The following FABP5 variants were observed in gnomAD, a reference collection of about 807,000 sequenced individuals.
FABP5 encodes fatty acid-binding protein 5.
In FABP5, 7 loss-of-function variants were observed where a neutral mutation model predicts 16.9. That is an observed-to-expected ratio of 0.41 (90% CI 0.24 to 0.78). FABP5 has a LOEUF of 0.78. FABP5 is among the 30% of genes least tolerant of loss of function. The pLI is 0.30. For missense variants in FABP5, 119 were observed against 159.5 expected (o/e 0.75, Z 1.37); for synonymous variants, 37 against 52.8 (o/e 0.70, Z 1.30).
At chr8:81,284,024 G>A (rs1171570878) in intron 3 of FABP5, 50 bp downstream of exon 3, 1 of 1,337,534 alleles carries the variant, frequency 7.5e-7, no homozygotes, top group Non-Finnish European at 1.1e-6. Flanking sequence ...TGCATTCATA[G>A]TTCACATAAC....
Position 81,281,280 on chromosome 8 carries a change from G to T in FABP5, c.79+606G>T. On this transcript the variant is annotated intron_variant, in intron 1 of 3. Coordinates refer to ENST00000297258, the MANE Select transcript of FABP5 (RefSeq NM_001444.3). The surrounding 1 kb of genome is among the most constrained non-coding windows in gnomAD (Gnocchi z 4.5). ...GGGTCTGAGTGGCGCTACAGCTTCAGCTTGCATTCCTCTGTCAGCCCCGTC... is the reference window on the plus strand; with the variant it reads ...GGGTCTGAGTGGCGCTACAGCTTCATCTTGCATTCCTCTGTCAGCCCCGTC... 1.1e-6 allele frequency: 1 copy of T among 912,252 alleles called. No homozygotes were observed. 56.5% of individuals were successfully genotyped at this position (912,252 alleles called of 1,614,324 possible).
At position 81,283,667 on chromosome 8, in the gene FABP5, C is replaced by T. The variant is rs551489337; in HGVS notation, c.252+129C>T. 1.1e-5 allele frequency: 12 copies of T among 1,112,300 alleles called. No homozygotes were observed. The South Asian group carries it at 2.1e-4, about 19-fold the overall frequency. 68.9% of individuals were successfully genotyped at this position (1,112,300 alleles called of 1,614,324 possible). A position where few individuals can be genotyped will look rare whatever the true frequency, so the allele number is the denominator to read the frequency against. On this transcript the variant is annotated intron_variant, in intron 2 of 3. Transcript: ENST00000297258. ...TATGAATTGAATTTTGTCAAATTAG[C>T]AAAAGTATCAACTTCATCATAGAAT...
intron 2 of FABP5, 104 bp from the exon 3 acceptor site, chr8:81,283,769 C>T: frequency 9.5e-7 from 1 of 1,050,250 alleles, no homozygotes; most frequent in South Asian, 1.6e-5. Context: ...ATGAAGTAGA[C>T]TCAGAAAGGA....
At chr8:81,283,741 T>C (rs967072811) in intron 2 of FABP5, 132 bp from the exon 3 acceptor site, 2 of 938,096 alleles carry the variant, frequency 2.1e-6, no homozygotes, top group Non-Finnish European at 3.1e-6. Context: ...CTATTGTGAA[T>C]AAAATCAATA....
In FABP5 at chr8:81,283,998, C is replaced by G. The variant is rs760784784; in HGVS notation, c.354+24C>G. On this transcript the variant is annotated intron_variant, in intron 3 of 3. Transcript: ENST00000297258. Reference sequence around the variant, plus strand: ...TGGTAAGTGTCAAACTGCTGTGTCTCAGTCAGCTTCTTGTGTGCATTCATA... The same window carrying G: ...TGGTAAGTGTCAAACTGCTGTGTCTGAGTCAGCTTCTTGTGTGCATTCATA... 6.6e-6 allele frequency: 10 copies of G among 1,520,074 alleles called. No homozygotes were observed. In the South Asian group the frequency reaches 1.1e-4, roughly 17 times the overall value. The allele number at this position is 1,520,074 out of a possible 1,614,324, so 94.2% of individuals were successfully genotyped here.
intron 3 of FABP5, chr8:81,284,180 TG>T (rs560227499): frequency 5.4e-6 from 3 of 554,372 alleles, no homozygotes; most frequent in Non-Finnish European, 9.5e-6. Context: ...TGGCTGGAGT[TG>T]GGGGGAGTTC....
chr8:81,280,705 C>T (rs1178234510), intron 1 of FABP5, 31 bp downstream of exon 1: 33 of 1,543,640 alleles, frequency 2.1e-5, no homozygotes, highest in Non-Finnish European at 1.8e-5. Flanking sequence ...GCGCCTGCAA[C>T]GTGGCGTGTT....
chr8:81,284,312 T>C (rs908136675), intron 3 of FABP5: 3 of 552,482 alleles, frequency 5.4e-6, no homozygotes, highest in Non-Finnish European at 9.6e-6. Flanking sequence ...ATTCAACACA[T>C]TAGTTTTCTG....
rs1807885054 is a variant in FABP5 at position 81,284,697 on chromosome 8, T to C, written c.*130T>C. On this transcript the variant is annotated 3_prime_UTR_variant, in exon 4 of 4. Coordinates refer to ENST00000297258, the MANE Select transcript of FABP5 (RefSeq NM_001444.3). The stretch of plus-strand genomic sequence containing the variant: ...GTTCAATTATCTTTATCATAAACAT[T>C]TTACATGCAGCTATTTCAAAGTGTG... The C allele has an allele frequency of 1.7e-6, 1 of 571,538 alleles. No individual in the cohort carries two copies. Among genetic ancestry groups the C allele is most frequent in the Non-Finnish European group, 3.1e-6 (1 of 322,218 alleles). 35.4% of individuals were successfully genotyped at this position (571,538 alleles called of 1,614,324 possible).
rs146137638 is a variant in FABP5 at position 81,284,509 on chromosome 8, T to G, written c.355-5T>G. On this transcript the variant is annotated splice_region_variant and splice_polypyrimidine_tract_variant and intron_variant, in intron 3 of 3. Coordinates refer to ENST00000297258, the MANE Select transcript of FABP5 (RefSeq NM_001444.3). ...TAACTCTTTTAATATCTTTCCTTCT[T>G]CTAGGAGTGTGTCATGAACAATGTC... 57 of 1,597,454 alleles carry G rather than the reference T, an allele frequency of 3.6e-5. No individual in the cohort carries two copies. In the African/African-American group the frequency reaches 7.0e-4, roughly 20 times the overall value.
In FABP5 at chr8:81,281,632, A is replaced by G. The variant is rs1807832718; in HGVS notation, c.79+958A>G. 1 of 985,344 alleles carries G rather than the reference A, an allele frequency of 1.0e-6. No individual in the cohort carries two copies. The highest frequency in any genetic ancestry group is 6.1e-5 in the Admixed American group (1 of 16,270). The allele number at this position is 985,344 out of a possible 1,614,324, so 61.0% of individuals were successfully genotyped here. On this transcript the variant is annotated intron_variant, in intron 1 of 3. Transcript: ENST00000297258. This position sits in a 1 kb window ranked among gnomAD's most constrained non-coding sequence, Gnocchi z 4.5. The stretch of plus-strand genomic sequence containing the variant: ...ATGGGTGTGGCCCTGCAGAAGGCAG[A>G]TGACTTCTTGAAGCGTTCCGAGGGA...
Position 81,283,347 on chromosome 8 carries a change from ATGACT to A in FABP5, c.80-17_80-13del, listed in dbSNP as rs983848683. On this transcript the variant is annotated splice_polypyrimidine_tract_variant and intron_variant, in intron 1 of 3. Coordinates refer to ENST00000297258, the MANE Select transcript of FABP5 (RefSeq NM_001444.3). The stretch of plus-strand genomic sequence containing the variant: ...AACTTTGGTCTTCCTGTTATTTAAC[ATGACT>A]TAACATTCTACAGGAGTGGGAATAG... 6.4e-7 allele frequency: 1 copy of A among 1,553,180 alleles called. No individual in the cohort carries two copies. Among genetic ancestry groups the A allele is most frequent in the African/African-American group, 1.4e-5 (1 of 72,310 alleles).
At chr8:81,283,686 A>T in intron 2 of FABP5, 148 bp downstream of exon 2, 2 of 1,047,292 alleles carry the variant, frequency 1.9e-6, no homozygotes, top group Non-Finnish European at 2.7e-6. Context: ...CAACTTCATC[A>T]TAGAATTGGC....
chr8:81,280,987 C>G (rs1320715405), intron 1 of FABP5: 3 of 331,214 alleles, frequency 9.1e-6, no homozygotes, highest in Non-Finnish European at 1.1e-5. Flanking sequence ...CGCATTGCTT[C>G]CTGTCCTTTA....
chr8:81,280,744 C>A, intron 1 of FABP5, 70 bp downstream of exon 1: 2 of 1,397,658 alleles, frequency 1.4e-6, no homozygotes, highest in South Asian at 1.2e-5. Flanking sequence ...AGGTCCCCGT[C>A]AGCGTGCCAG....
chr8:81,282,028 G>A (rs573861662), intron 1 of FABP5, among the ~76,000 whole-genome samples: 102 of 152,290 alleles, frequency 6.7e-4, no homozygotes, highest in African/African-American at 2.3e-3. Flanking sequence ...ACCATGTGGT[G>A]TTAAGGCTGG....
Position 81,281,899 on chromosome 8 carries a change from A to G in FABP5, c.79+1225A>G, listed in dbSNP as rs1371128760. Among the ~76,000 whole-genome samples, 1 of 152,078 alleles carries G rather than the reference A, an allele frequency of 6.6e-6. No homozygotes were observed. Among genetic ancestry groups the G allele is most frequent in the Admixed American group, 6.5e-5 (1 of 15,268 alleles). ...CTGGGATTTATGAGGGTGCTTCAGA[A>G]GCCGGTATCCACAAATGTTAACCCG... On this transcript the variant is annotated intron_variant, in intron 1 of 3. Coordinates refer to ENST00000297258, the MANE Select transcript of FABP5 (RefSeq NM_001444.3). This position sits in a 1 kb window ranked among gnomAD's most constrained non-coding sequence, Gnocchi z 4.5.
chr8:81,284,020 C>G, intron 3 of FABP5, 46 bp downstream of exon 3: 1 of 1,326,346 alleles, frequency 7.5e-7, no homozygotes, highest in Non-Finnish European at 1.1e-6. Flanking sequence ...TGTGTGCATT[C>G]ATAGTTCACA....
chr8:81,284,492 T>C (rs756198129), intron 3 of FABP5, 22 bp from the exon 4 acceptor site: 36 of 1,565,418 alleles, frequency 2.3e-5, no homozygotes, highest in Non-Finnish European at 3.2e-5. Context: ...CCTAACTCTT[T>C]TAATATCTTT....
Sources: gnomAD v4.1 joint callset for allele counts (sites outside exome capture counted in the v4.1 genomes callset) on GRCh38, gnomAD v4.1.1 for gene constraint, Gnocchi (gnomAD v3.1) non-coding constraint, MANE v1.5 for transcripts, NCBI Gene and HGNC (gene_info 2026-07-23, HGNC 2026-07-21) for gene names.